The following ANKRD18A variants were observed in gnomAD, a reference collection of about 807,000 sequenced individuals.
The protein encoded by ANKRD18A is ankyrin repeat domain-containing protein 18A.
In ANKRD18A, 72 loss-of-function variants were observed where a neutral mutation model predicts 110.6. That is an observed-to-expected ratio of 0.65 (90% confidence interval 0.54 to 0.79). The LOEUF (loss-of-function observed/expected upper bound fraction) is 0.79. Among genes scored for constraint, ANKRD18A ranks in the 30% least tolerant of loss-of-function variants. ANKRD18A has a pLI of 0.00. For missense variants in ANKRD18A, 934 were observed against 1,163.3 expected (o/e 0.80, Z 2.87); for synonymous variants, 305 against 410.3 (o/e 0.74, Z 3.10).
intron 14 of ANKRD18A, 126 bp from the exon 15 acceptor site, chr9:38,575,824 CAAAG>C: frequency 2.3e-6 from 2 of 880,624 alleles, no homozygotes; most frequent in Non-Finnish European, 3.4e-6. Context: ...TGCTTTCACA[CAAAG>C]ATGTGTGAGG....
intron 1 of ANKRD18A, among the ~76,000 whole-genome samples, 171 bp from the exon 2 acceptor site, chr9:38,616,215 A>G (rs1482168422): frequency 6.6e-6 from 1 of 152,236 alleles, no homozygotes; most frequent in Non-Finnish European, 1.5e-5. Flanking sequence ...TACCTTAATG[A>G]AACAGCAGCC....
At chr9:38,610,741 TC>T (rs1305903142) in intron 4 of ANKRD18A, among the ~76,000 whole-genome samples, 1 of 151,224 alleles carries the variant, frequency 6.6e-6, no homozygotes, top group Non-Finnish European at 1.5e-5. Flanking sequence ...GTGAAGATTT[TC>T]CCATTGCTTT....
intron 6 of ANKRD18A, 127 bp downstream of exon 6, chr9:38,607,299 C>T (rs772513218): frequency 9.3e-5 from 57 of 612,586 alleles, no homozygotes; most frequent in Non-Finnish European, 1.2e-4. Context: ...TCAGGTGATC[C>T]ACCCGCCTCG....
intron 6 of ANKRD18A, 88 bp from the exon 7 acceptor site, chr9:38,603,300 A>G: frequency 6.6e-7 from 1 of 1,520,822 alleles, no homozygotes; most frequent in Non-Finnish European, 8.9e-7. Context: ...CTTACTCTGC[A>G]TGCTTACCCT....
rs544352530 is a variant in ANKRD18A, at chr9:38,595,975, A to G, written c.1365T>C (p.His455=). 4.5e-6 allele frequency: 7 copies of G among 1,549,394 alleles called. No homozygotes were observed. The East Asian group carries it at 1.7e-4, about 38-fold the overall frequency. ...VLWRADDVSR[H]EKMGSNISQL... ...GAGAAATATTAGAACCCATTTTTTC[A>G]TGTCTAGAAACATCATCTGCTCTCC... The change falls in exon 9 of 16, where the codon CAT becomes CAC. Residue 455 remains histidine (H), a synonymous_variant. Transcript: ENST00000399703.
chr9:38,575,818 T>C, intron 14 of ANKRD18A, 120 bp from the exon 15 acceptor site: 1 of 944,698 alleles, frequency 1.1e-6, no homozygotes, highest in Non-Finnish European at 1.5e-6. Context: ...AAACAGTGCT[T>C]TCACACAAAG....
At chr9:38,571,009 G>C, downstream of ANKRD18A, 1 of 1,185,160 alleles carries the variant, frequency 8.4e-7, no homozygotes, top group Non-Finnish European at 1.1e-6. Context: ...CCGACCTAGA[G>C]ACACAGCACA....
chr9:38,615,064 C>CAACAAACT (rs1273060512), intron 3 of ANKRD18A, among the ~76,000 whole-genome samples: 1 of 152,154 alleles, frequency 6.6e-6, no homozygotes, highest in East Asian at 1.9e-4. Flanking sequence ...ACTGGAAAAA[C>CAACAAACT]AACAAACTAA....
Position 38,595,855 on chromosome 9 carries a change from A to T in ANKRD18A, c.1485T>A (p.Asp495Glu). The T allele has an allele frequency of 6.4e-7, 1 of 1,551,254 alleles. No homozygotes were observed. The highest frequency in any genetic ancestry group is 8.7e-7 in the Non-Finnish European group (1 of 1,146,690). The change falls in exon 9 of 16, where the codon GAT becomes GAA. Residue 495 changes from aspartate (D) to glutamate (E), a missense_variant. This residue lies in a region of ANKRD18A where 630 missense variants were observed against 797.5 expected (regional missense o/e 0.79). Transcript: ENST00000399703. ...TLKGKLRETR[D>E]ALREKTLALG... ...AAGCCAATGTCTTTTCCCTGAGAGC[A>T]TCTCTTGTCTCACGGAGCTTACCTT...
intron 3 of ANKRD18A, among the ~76,000 whole-genome samples, chr9:38,612,151 T>G (rs896720381): frequency 4.6e-5 from 7 of 152,206 alleles, no homozygotes; most frequent in Non-Finnish European, 4.4e-5. Context: ...TATTATTAAA[T>G]ACTCCATGGG....
intron 9 of ANKRD18A, among the ~76,000 whole-genome samples, chr9:38,595,215 A>G (rs1824818454): frequency 6.6e-6 from 1 of 152,146 alleles, no homozygotes; most frequent in African/African-American, 2.4e-5. Flanking sequence ...CCATCTCTAC[A>G]ATCCAACTTT....
At chr9:38,581,141 G>C (rs1026009668) in intron 12 of ANKRD18A, among the ~76,000 whole-genome samples, 6 of 152,092 alleles carry the variant, frequency 3.9e-5, no homozygotes, top group Non-Finnish European at 7.4e-5. Flanking sequence ...CAAAACTCTG[G>C]GTAATTGTTA....
Position 38,601,149 on chromosome 9 carries a change from A to G in ANKRD18A, c.918T>C (p.Ser306=). The part of the protein sequence containing the change: ...SEEKQERLQR[S]ENKQPQDSQS... ...TACATACCTGTGGCTGTTTATTTTCACTTCTTTGGAGCCTTTCTTGCTTTT... is the reference window on the plus strand; with the variant it reads ...TACATACCTGTGGCTGTTTATTTTCGCTTCTTTGGAGCCTTTCTTGCTTTT... The change falls in exon 8 of 16, where the codon AGT becomes AGC. Residue 306 remains serine, a synonymous_variant. Coordinates refer to ENST00000399703, the MANE Select transcript of ANKRD18A (RefSeq NM_147195.4). 6.4e-7 allele frequency: 1 copy of G among 1,558,074 alleles called. No individual in the cohort carries two copies. The highest frequency in any genetic ancestry group is 8.7e-7 in the Non-Finnish European group (1 of 1,150,172).
intron 11 of ANKRD18A, 39 bp from the exon 12 acceptor site, chr9:38,586,351 A>G (rs1824380343): frequency 2.1e-6 from 3 of 1,452,324 alleles, no homozygotes; most frequent in Non-Finnish European, 2.8e-6. Flanking sequence ...AGTATTTTTA[A>G]GAGTAAATAT....
At position 38,615,689 on chromosome 9, in the gene ANKRD18A, C is replaced by A; in HGVS notation, c.400G>T (p.Gly134Cys). Residue 134 changes from glycine to cysteine, a missense_variant, in exon 3 of 16, where the codon GGC (glycine) becomes TGC (cysteine). Physicochemically the swap from Gly to Cys is radical, Grantham distance 159. Coordinates refer to ENST00000399703, the MANE Select transcript of ANKRD18A (RefSeq NM_147195.4). Reference protein sequence around the residue: ...GANPNIEDIYGNTALHYAVYN... With the variant: ...GANPNIEDIYCNTALHYAVYN... ...ACGGCATAATGGAGAGCAGTGTTGC[C>A]GTAGATATCCTCAATGTTTGGATTG... 1 of 1,612,408 alleles carries A rather than the reference C, an allele frequency of 6.2e-7. No homozygotes were observed. Among genetic ancestry groups the A allele is most frequent in the Non-Finnish European group, 8.5e-7 (1 of 1,179,812 alleles).
chr9:38,569,151 T>C, downstream of ANKRD18A: 2 of 985,236 alleles, frequency 2.0e-6, no homozygotes, highest in Non-Finnish European at 2.4e-6. Flanking sequence ...ACCTGCATCT[T>C]GGTTATCACG....
chr9:38,571,888 T>C lies in ANKRD18A; in HGVS notation c.*157A>G, dbSNP rs2118607494. ...GTAAAGATTATGATGTTTTATATTA[T>C]ATGAGAAACAATTAAAATTTCATGT... is the stretch of plus-strand genomic sequence containing the variant. On this transcript the variant is annotated 3_prime_UTR_variant, in exon 16 of 16. Transcript: ENST00000399703. The C allele has an allele frequency of 7.3e-7, 1 of 1,372,900 alleles. No homozygotes were observed. Among genetic ancestry groups the C allele is most frequent in the South Asian group, 1.7e-5 (1 of 59,540 alleles). 85.0% of individuals were successfully genotyped at this position (1,372,900 alleles called of 1,614,324 possible).
chr9:38,596,302 A>G lies in ANKRD18A; in HGVS notation c.1038T>C (p.Asn346=), dbSNP rs1457730343. 3.3e-6 allele frequency: 5 copies of G among 1,534,914 alleles called. No homozygotes were observed. The highest frequency in any genetic ancestry group is 1.3e-5 in the South Asian group (1 of 79,114). Residue 346 remains asparagine, a synonymous_variant, in exon 9 of 16, where the codon AAT becomes AAC. Transcript: ENST00000399703. Reference sequence around the variant, plus strand: ...ATTTCTTTTCCTTTCTGAGACTGTCATTTTTTATTGCATATAATTCCTCTT... The same window carrying G: ...ATTTCTTTTCCTTTCTGAGACTGTCGTTTTTTATTGCATATAATTCCTCTT... The part of the protein sequence containing the change: ...MLKEELYAIK[N]DSLRKEKKYI...
At chr9:38,606,200 A>G (rs188701779) in intron 6 of ANKRD18A, among the ~76,000 whole-genome samples, 2 of 152,282 alleles carry the variant, frequency 1.3e-5, no homozygotes, top group Non-Finnish European at 1.5e-5. Context: ...CCATTTGTTT[A>G]CGGTGTCAGA....
Sources: gnomAD v4.1 joint callset for allele counts (sites outside exome capture counted in the v4.1 genomes callset) on GRCh38, gnomAD v4.1.1 for gene constraint, gnomAD v4.1.1 regional missense constraint, MANE v1.5 for transcripts, NCBI Gene and HGNC (gene_info 2026-07-23, HGNC 2026-07-21) for gene names.